The following SAMD12 variants were observed in gnomAD, a reference collection of about 807,000 sequenced individuals.
The protein encoded by SAMD12 is sterile alpha motif domain-containing protein 12.
SAMD12 carries 9 observed loss-of-function variants against 15.0 expected under a neutral mutation model. The ratio of observed to expected loss-of-function variants is 0.60; its 90% CI spans 0.36 to 1.05. The LOEUF is 1.05. Ranked by LOEUF, SAMD12 falls within the 50% of genes least tolerant of loss-of-function variation. The pLI, the probability that SAMD12 is intolerant of heterozygous loss-of-function variation, is 0.01. For missense variants in SAMD12, 230 were observed against 234.2 expected (o/e 0.98, Z 0.12); for synonymous variants, 86 against 90.1 (o/e 0.96, Z 0.25).
In SAMD12 at chr8:118,397,665, AT is replaced by A. The variant is rs772581168; in HGVS notation, c.323-17966del. On this transcript the variant is annotated intron_variant, in intron 3 of 3. Transcript: ENST00000314727. ...TTATAATAAAAACATTATCATCACAATTCATTCGAATTATGCTGGGCTGGGT... is the reference window on the plus strand; with the variant it reads ...TTATAATAAAAACATTATCATCACAATCATTCGAATTATGCTGGGCTGGGT... 1.8e-4 allele frequency among the ~76,000 whole-genome samples: 28 copies of A among 152,304 alleles called. No individual in the cohort carries two copies. In the East Asian group the frequency reaches 5.4e-3, roughly 29 times the overall value.
intron 2 of SAMD12, among the ~76,000 whole-genome samples, chr8:118,577,394 G>A (rs1586831445): frequency 2.0e-5 from 3 of 152,082 alleles, no homozygotes; most frequent in African/African-American, 7.2e-5. Context: ...AGTGTCAACA[G>A]GGTAGATTAA....
intron 2 of SAMD12, among the ~76,000 whole-genome samples, chr8:118,551,478 C>T (rs542125070): frequency 4.8e-4 from 73 of 151,716 alleles, no homozygotes; most frequent in South Asian, 8.4e-4. Context: ...TTGAAACCAA[C>T]GAGAACAAAG....
chr8:118,378,797 A>G lies in SAMD12; in HGVS notation c.*620T>C, dbSNP rs188348523. On this transcript the variant is annotated 3_prime_UTR_variant, in exon 4 of 4. Coordinates refer to ENST00000314727, the MANE Select transcript of SAMD12 (RefSeq NM_207506.3). ...TCTCATGTAGACATATCAGTTACAT[A>G]TAGTGTAACTTAAGGCTTTCTTCGA... 1.2e-5 allele frequency: 12 copies of G among 982,224 alleles called. No homozygotes were observed. Among genetic ancestry groups the G allele is most frequent in the Admixed American group, 6.1e-5 (1 of 16,290 alleles). 60.8% of individuals were successfully genotyped at this position (982,224 alleles called of 1,614,324 possible). A position where few individuals can be genotyped will look rare whatever the true frequency, so the allele number is the denominator to read the frequency against.
rs74909344 is a variant in SAMD12 at position 118,546,674 on chromosome 8, T to C, written c.192+34041A>G. On this transcript the variant is annotated intron_variant, in intron 2 of 3. Coordinates refer to ENST00000314727, the MANE Select transcript of SAMD12 (RefSeq NM_207506.3). ...TCACTGGAAAGCCCCGCTGCACCTC[T>C]CTAACCCCGCATTCCTCCATTTAGG... Among the ~76,000 whole-genome samples the C allele has an allele frequency of 5.9e-3, 897 of 152,336 alleles. 2 individuals are homozygous for C. Among genetic ancestry groups the C allele is most frequent in the African/African-American group, 0.02 (835 of 41,584 alleles).
intron 4 of SAMD12, among the ~76,000 whole-genome samples, chr8:118,335,695 G>GGTAAAA (rs1817022888): frequency 6.6e-6 from 1 of 152,162 alleles, no homozygotes; most frequent in South Asian, 2.1e-4. Flanking sequence ...TGTCAGGTTA[G>GGTAAAA]GTAAAATAGG....
intron 2 of SAMD12, among the ~76,000 whole-genome samples, chr8:118,511,903 C>T (rs371156112): frequency 6.6e-6 from 1 of 152,142 alleles, no homozygotes; most frequent in Non-Finnish European, 1.5e-5. Flanking sequence ...CTTGTTGCTA[C>T]TTTTAGGATG....
chr8:118,300,698 C>T (rs764367980), intron 4 of SAMD12, among the ~76,000 whole-genome samples: 20 of 152,292 alleles, frequency 1.3e-4, no homozygotes, highest in African/African-American at 4.3e-4. Flanking sequence ...GCCCTTCAGG[C>T]GATTCCAATG....
chr8:118,599,597 C>A (rs182425036), intron 1 of SAMD12, among the ~76,000 whole-genome samples: 1 of 152,162 alleles, frequency 6.6e-6, no homozygotes, highest in Non-Finnish European at 1.5e-5. Flanking sequence ...ACTTTCACAA[C>A]GATTCAATGT....
At chr8:118,483,584 T>C (rs1208616756) in intron 2 of SAMD12, among the ~76,000 whole-genome samples, 1 of 150,802 alleles carries the variant, frequency 6.6e-6, no homozygotes, top group Non-Finnish European at 1.5e-5. Context: ...TAAGATGAAA[T>C]TTAAGTATTA....
intron 2 of SAMD12, among the ~76,000 whole-genome samples, chr8:118,497,360 A>T (rs1482196552): frequency 6.6e-6 from 1 of 152,262 alleles, no homozygotes; most frequent in East Asian, 1.9e-4. Flanking sequence ...AAAATGTGGT[A>T]CATACACATC....
the SAMD12 span, among the ~76,000 whole-genome samples, chr8:118,148,084 T>C: frequency 6.6e-6 from 1 of 151,730 alleles, no homozygotes; most frequent in East Asian, 1.9e-4. Flanking sequence ...TGCACCACCA[T>C]GCCCGGCTAA....
chr8:118,385,652 C>T (rs1336247412), intron 3 of SAMD12, among the ~76,000 whole-genome samples: 1 of 152,150 alleles, frequency 6.6e-6, no homozygotes, highest in Admixed American at 6.6e-5. Flanking sequence ...CTGGGGGTGT[C>T]TCTCCTGTCA....
At chr8:118,299,133 G>T (rs1814882188) in intron 4 of SAMD12, among the ~76,000 whole-genome samples, 1 of 152,122 alleles carries the variant, frequency 6.6e-6, no homozygotes, top group Non-Finnish European at 1.5e-5. Flanking sequence ...TTGCATAACA[G>T]AAGGAAGTTT....
At chr8:118,369,267 A>G (rs1286368612) in intron 4 of SAMD12, among the ~76,000 whole-genome samples, 1 of 152,212 alleles carries the variant, frequency 6.6e-6, no homozygotes, top group African/African-American at 2.4e-5. Flanking sequence ...ACCTACAACA[A>G]TCTGATCTTT....
chr8:118,179,439 G>GAAAA, the SAMD12 span, among the ~76,000 whole-genome samples: 2 of 92,306 alleles, frequency 2.2e-5, no homozygotes, highest in African/African-American at 4.1e-5. Context: ...CTCCGTCTCC[G>GAAAA]AAAAAAAAAA....
intron 4 of SAMD12, among the ~76,000 whole-genome samples, chr8:118,246,218 A>G (rs1004692762): frequency 3.3e-5 from 5 of 152,090 alleles, no homozygotes; most frequent in African/African-American, 4.8e-5. Flanking sequence ...TCTTTTCACC[A>G]TCCTGCAAGG....
intron 3 of SAMD12, among the ~76,000 whole-genome samples, chr8:118,417,599 T>C (rs1821766647): frequency 6.6e-6 from 1 of 152,124 alleles, no homozygotes; most frequent in Non-Finnish European, 1.5e-5. Flanking sequence ...AGCTAATCAG[T>C]AAATAATTAA....
chr8:118,564,393 C>G (rs1826791966), intron 2 of SAMD12, among the ~76,000 whole-genome samples: 1 of 152,138 alleles, frequency 6.6e-6, no homozygotes, highest in African/African-American at 2.4e-5. Flanking sequence ...CACTTACATA[C>G]AATACAAAAT....
At chr8:118,191,801 TATATATATATAGAGAG>T (rs1819402035) in exon 5 of SAMD12, 6 of 36,486 alleles carry the variant, frequency 1.6e-4, no homozygotes, top group Non-Finnish European at 3.2e-4. Flanking sequence ...TATATATATA[TATATATATATAGAGAG>T]AGAGAGAGAG....
Sources: allele counts gnomAD v4.1 joint callset (sites outside exome capture counted in the v4.1 genomes callset), GRCh38; gene constraint gnomAD v4.1.1; transcripts MANE v1.5; gene names NCBI Gene and HGNC (gene_info 2026-07-23, HGNC 2026-07-21).